DCC: variants seen among roughly 807,000 people sequenced by gnomAD.
The protein encoded by DCC is netrin receptor DCC.
Under a neutral mutation model 172.5 loss-of-function variants are expected in DCC, and 58 were observed. That is an observed-to-expected ratio of 0.34 (90% CI 0.27 to 0.42). DCC has a LOEUF of 0.42. DCC is among the 10% of genes least tolerant of loss of function. DCC has a pLI of 1.00. For synonymous variants in DCC, 709 were observed against 644.5 expected (o/e 1.10, Z -1.52); for missense variants, 1,740 against 1,791.0 (o/e 0.97, Z 0.51).
intron 15 of DCC, among the ~76,000 whole-genome samples, chr18:53,358,455 G>A (rs2057903815): frequency 6.6e-6 from 1 of 150,800 alleles, no homozygotes; most frequent in Middle Eastern, 3.5e-3. Context: ...ATGGCTTATT[G>A]AGTCACTTTA....
Position 53,318,386 on chromosome 18 carries a change from G to GT in DCC, c.2054-3654dup, listed in dbSNP as rs1023723301. ...TTCATTCTTTTGCCTTTCCTGAGGA[G>GT]TTTTTTTACCTCCAATTATGTGGTC... On this transcript the variant is annotated intron_variant, in intron 13 of 28. Coordinates refer to ENST00000442544, the MANE Select transcript of DCC (RefSeq NM_005215.4). 4.1e-4 allele frequency among the ~76,000 whole-genome samples: 63 copies of GT among 152,190 alleles called. 1 individual carries two copies. Among genetic ancestry groups the GT allele is most frequent in the African/African-American group, 7.7e-4 (32 of 41,530 alleles).
chr18:52,978,023 T>G (rs1391853451), intron 5 of DCC, among the ~76,000 whole-genome samples: 1 of 151,486 alleles, frequency 6.6e-6, no homozygotes, highest in Non-Finnish European at 1.5e-5. Flanking sequence ...AAAATTCAAG[T>G]AGTTTACATG....
intron 12 of DCC, among the ~76,000 whole-genome samples, chr18:53,252,364 A>T (rs1273272293): frequency 6.6e-6 from 1 of 151,966 alleles, no homozygotes; most frequent in African/African-American, 2.4e-5. Flanking sequence ...CCCCAAAGAA[A>T]GACTGAGACT....
At chr18:53,506,464 A>T (rs1375028904) in intron 27 of DCC, among the ~76,000 whole-genome samples, 1 of 152,192 alleles carries the variant, frequency 6.6e-6, no homozygotes, top group Non-Finnish European at 1.5e-5. Context: ...TGGAAAAGAC[A>T]CTTGAAACCA....
intron 15 of DCC, among the ~76,000 whole-genome samples, chr18:53,358,821 T>G (rs1265685056): frequency 6.6e-6 from 1 of 152,084 alleles, no homozygotes; most frequent in Non-Finnish European, 1.5e-5. Flanking sequence ...CACCCAGCCA[T>G]AAGACATATT....
At chr18:52,525,511 T>C (rs1321125555) in intron 1 of DCC, among the ~76,000 whole-genome samples, 7 of 152,228 alleles carry the variant, frequency 4.6e-5, no homozygotes, top group Non-Finnish European at 5.9e-5. Flanking sequence ...ACAAAGTGGA[T>C]GGCTGCTTTT....
At chr18:52,835,315 A>C (rs183399495) in intron 2 of DCC, among the ~76,000 whole-genome samples, 1 of 152,220 alleles carries the variant, frequency 6.6e-6, no homozygotes, top group African/African-American at 2.4e-5. Context: ...ACCACTCAAG[A>C]TGCCCAACCA....
At chr18:52,786,955 G>T (rs778204313) in intron 2 of DCC, among the ~76,000 whole-genome samples, 2 of 152,080 alleles carry the variant, frequency 1.3e-5, no homozygotes, top group Non-Finnish European at 2.9e-5. Flanking sequence ...TTGCGATGAT[G>T]CAAACAACTA....
At chr18:53,343,342 T>C (rs1312899418) in intron 15 of DCC, among the ~76,000 whole-genome samples, 2 of 152,018 alleles carry the variant, frequency 1.3e-5, no homozygotes, top group African/African-American at 4.8e-5. Context: ...TGCTATACTC[T>C]TTCTAGTTTT....
At chr18:52,386,814 A>G (rs1985817647) in intron 1 of DCC, among the ~76,000 whole-genome samples, 1 of 152,082 alleles carries the variant, frequency 6.6e-6, no homozygotes, top group African/African-American at 2.4e-5. Flanking sequence ...GTTTGTACAC[A>G]TTACACAACA....
chr18:53,434,814 G>T (rs1419910521), intron 21 of DCC, among the ~76,000 whole-genome samples: 1 of 152,126 alleles, frequency 6.6e-6, no homozygotes, highest in Admixed American at 6.5e-5. Flanking sequence ...TGTTCTAAAA[G>T]GTTCAGGAGA....
chr18:53,472,857 C>T (rs577607966), intron 25 of DCC, among the ~76,000 whole-genome samples: 18 of 152,252 alleles, frequency 1.2e-4, no homozygotes, highest in Non-Finnish European at 2.2e-4. Flanking sequence ...ACAAAACAAA[C>T]CAAACAAATT....
chr18:52,736,525 T>TTTGA (rs2036732779), intron 1 of DCC, among the ~76,000 whole-genome samples: 4 of 152,258 alleles, frequency 2.6e-5, no homozygotes, highest in Middle Eastern at 3.4e-3. Flanking sequence ...ACATTTTTCA[T>TTTGA]ACTGTTTTTT....
chr18:52,888,543 A>C (rs1281919521), intron 2 of DCC, among the ~76,000 whole-genome samples: 1 of 152,142 alleles, frequency 6.6e-6, no homozygotes, highest in East Asian at 1.9e-4. Context: ...TTCTAGATCT[A>C]TGTTCTGATT....
chr18:53,152,074 T>C (rs1382909354), intron 7 of DCC, among the ~76,000 whole-genome samples: 1 of 152,164 alleles, frequency 6.6e-6, no homozygotes, highest in African/African-American at 2.4e-5. Flanking sequence ...ACTGACAATA[T>C]CTAGTTACAT....
At chr18:52,360,366 A>G (rs914280276) in intron 1 of DCC, among the ~76,000 whole-genome samples, 8 of 152,236 alleles carry the variant, frequency 5.3e-5, no homozygotes, top group African/African-American at 1.9e-4. Context: ...TTAGAATGCT[A>G]ATGCCTTACC....
intron 2 of DCC, among the ~76,000 whole-genome samples, chr18:52,786,940 T>G (rs553488014): frequency 1.3e-5 from 2 of 152,222 alleles, no homozygotes; most frequent in African/African-American, 4.8e-5. Flanking sequence ...AAAAATGGAT[T>G]ATTATTGCGA....
At chr18:52,805,213 G>C (rs546301279) in intron 2 of DCC, among the ~76,000 whole-genome samples, 1 of 152,138 alleles carries the variant, frequency 6.6e-6, no homozygotes, top group Admixed American at 6.5e-5. Context: ...TTCTCTCTGT[G>C]CCTTTCAACG....
chr18:52,813,203 T>G (rs1382348998), intron 2 of DCC, among the ~76,000 whole-genome samples: 2 of 135,264 alleles, frequency 1.5e-5, no homozygotes, highest in African/African-American at 5.7e-5. Context: ...CTGATACAAT[T>G]AGACACTGAT....
Sources: gnomAD v4.1 joint callset for allele counts (sites outside exome capture counted in the v4.1 genomes callset) on GRCh38, gnomAD v4.1.1 for gene constraint, MANE v1.5 for transcripts, NCBI Gene and HGNC (gene_info 2026-07-23, HGNC 2026-07-21) for gene names.